The following ACYP2 variants were observed in gnomAD, a reference collection of about 807,000 sequenced individuals.
ACYP2 encodes acylphosphatase-2.
Under a neutral mutation model 11.2 loss-of-function variants are expected in ACYP2, and 12 were observed. That is an observed-to-expected ratio of 1.08 (90% CI 0.69 to 1.74). The LOEUF (loss-of-function observed/expected upper bound fraction) is 1.74, where lower values mean the gene tolerates loss of function less well. ACYP2 is among the 40% of genes most tolerant of loss of function. The pLI is 0.00. For synonymous variants in ACYP2, 43 were observed against 32.2 expected, an observed-to-expected ratio of 1.33 and a Z score of -1.13; for missense variants, 134 against 101.9, an observed-to-expected ratio of 1.31 and a Z score of -1.35.
chr2:54,148,092 GA>G (rs2103803661), intron 6 of ACYP2, among the ~76,000 whole-genome samples: 1 of 152,230 alleles, frequency 6.6e-6, no homozygotes, highest in African/African-American at 2.4e-5. Flanking sequence ...AGCTGCACAT[GA>G]TATCCACAGT....
intron 6 of ACYP2, among the ~76,000 whole-genome samples, chr2:54,286,138 C>A (rs6723759): frequency 1.3e-5 from 2 of 150,254 alleles, no homozygotes; most frequent in Non-Finnish European, 2.9e-5. Flanking sequence ...CAGGGCCAGG[C>A]GCAGTGGCCT....
chr2:54,262,736 CTT>C (rs1348406419), intron 6 of ACYP2, among the ~76,000 whole-genome samples: 5 of 151,464 alleles, frequency 3.3e-5, no homozygotes, highest in Non-Finnish European at 5.9e-5. Flanking sequence ...TTAGAAATAA[CTT>C]TTTATGGATG....
In ACYP2 at chr2:54,304,725, C is replaced by T. The variant is rs748039394; in HGVS notation, c.442C>T (p.Arg148Cys). 58 of 1,611,898 alleles carry T rather than the reference C, an allele frequency of 3.6e-5. No homozygotes were observed. The highest frequency in any genetic ancestry group is 2.2e-4 in the Admixed American group (13 of 59,940). ...GAGCAAGGTTGGAAGCCCTAGTTCT[C>T]GCATTGACCGCACAAACTTTTCTAA... Residue 148 changes from arginine (R) to cysteine (C), a missense_variant, in exon 7 of 7, where the codon CGC becomes TGC. Transcript: ENST00000607452.
At chr2:54,013,629 A>T (rs1388890584) in intron 2 of ACYP2, among the ~76,000 whole-genome samples, 3 of 151,584 alleles carry the variant, frequency 2.0e-5, no homozygotes, top group Non-Finnish European at 2.9e-5. Context: ...CCGATGTATT[A>T]TTTATTGCCT....
chr2:54,098,518 AC>A (rs1287997186), intron 4 of ACYP2, among the ~76,000 whole-genome samples: 1 of 152,020 alleles, frequency 6.6e-6, no homozygotes, highest in Non-Finnish European at 1.5e-5. Context: ...GTGTCCTTTA[AC>A]TTGTTCTCCC....
intron 4 of ACYP2, among the ~76,000 whole-genome samples, chr2:54,086,717 C>G (rs927637310): frequency 6.6e-6 from 1 of 152,210 alleles, no homozygotes; most frequent in Non-Finnish European, 1.5e-5. Flanking sequence ...GTTTGCTAGG[C>G]ATTTGAAACA....
At chr2:54,107,735 G>T (rs1390796997) in intron 4 of ACYP2, among the ~76,000 whole-genome samples, 1 of 152,178 alleles carries the variant, frequency 6.6e-6, no homozygotes, top group Non-Finnish European at 1.5e-5. Flanking sequence ...GGAATCCATT[G>T]CTGACATAAT....
chr2:54,248,495 C>T (rs968123337), intron 6 of ACYP2, among the ~76,000 whole-genome samples: 2 of 152,082 alleles, frequency 1.3e-5, no homozygotes, highest in Non-Finnish European at 2.9e-5. Context: ...TCTGAAGAAA[C>T]TTATGGTCTA....
At chr2:54,100,202 T>C (rs1041505679) in intron 4 of ACYP2, among the ~76,000 whole-genome samples, 1 of 151,674 alleles carries the variant, frequency 6.6e-6, no homozygotes, top group Non-Finnish European at 1.5e-5. Flanking sequence ...GTTCACTGTA[T>C]AGCCAAAAAC....
intron 2 of ACYP2, among the ~76,000 whole-genome samples, chr2:53,997,583 G>A (rs1672634315): frequency 1.3e-5 from 2 of 152,084 alleles, no homozygotes; most frequent in South Asian, 4.1e-4. Flanking sequence ...TGAGACTATA[G>A]GTATGAGCCA....
At chr2:54,233,042 A>C (rs565222897) in intron 6 of ACYP2, among the ~76,000 whole-genome samples, 1 of 152,036 alleles carries the variant, frequency 6.6e-6, no homozygotes, top group East Asian at 1.9e-4. Context: ...TTCACAATTA[A>C]GTTTTTTTTT....
intron 2 of ACYP2, among the ~76,000 whole-genome samples, chr2:53,999,387 G>A (rs1364963676): frequency 6.6e-6 from 1 of 152,194 alleles, no homozygotes; most frequent in Non-Finnish European, 1.5e-5. Context: ...GCCCAGGAAG[G>A]AAGGAGTCCC....
chr2:54,287,224 C>T (rs968076312), intron 6 of ACYP2, among the ~76,000 whole-genome samples: 6 of 151,878 alleles, frequency 4.0e-5, no homozygotes, highest in East Asian at 1.9e-4. Flanking sequence ...CCATTTCCTC[C>T]AGAGGGGGCT....
chr2:54,214,135 T>C (rs553667531), intron 6 of ACYP2, among the ~76,000 whole-genome samples: 1 of 152,290 alleles, frequency 6.6e-6, no homozygotes, highest in South Asian at 2.1e-4. Flanking sequence ...AGATTCTGGA[T>C]ATTCGAGCTT....
chr2:54,099,668 T>A (rs1382638633), intron 4 of ACYP2, among the ~76,000 whole-genome samples: 1 of 152,216 alleles, frequency 6.6e-6, no homozygotes, highest in Non-Finnish European at 1.5e-5. Context: ...TTTTTATCCA[T>A]TCATCCACTG....
chr2:54,163,185 G>A (rs1169315047), intron 6 of ACYP2, among the ~76,000 whole-genome samples: 3 of 152,122 alleles, frequency 2.0e-5, no homozygotes, highest in Non-Finnish European at 4.4e-5. Context: ...GAGTGGTGAG[G>A]CCAAATAGCA....
chr2:54,264,489 G>C (rs1287588585), intron 6 of ACYP2, among the ~76,000 whole-genome samples: 1 of 152,158 alleles, frequency 6.6e-6, no homozygotes, highest in Non-Finnish European at 1.5e-5. Flanking sequence ...ATCCTGCTCA[G>C]GGAGCTTAGA....
At chr2:54,269,163 G>C (rs1047370721) in intron 6 of ACYP2, among the ~76,000 whole-genome samples, 8 of 152,150 alleles carry the variant, frequency 5.3e-5, no homozygotes, top group African/African-American at 1.7e-4. Flanking sequence ...GCCCAGGCTA[G>C]TCTTGAATTC....
chr2:54,180,997 A>T (rs779939216), intron 6 of ACYP2, among the ~76,000 whole-genome samples: 7 of 152,232 alleles, frequency 4.6e-5, no homozygotes, highest in African/African-American at 7.2e-5. Flanking sequence ...TTAGAGGGAC[A>T]TAAACATTCA....
Sources: allele counts gnomAD v4.1 joint callset (sites outside exome capture counted in the v4.1 genomes callset), GRCh38; gene constraint gnomAD v4.1.1; transcripts MANE v1.5; gene names NCBI Gene and HGNC (gene_info 2026-07-23, HGNC 2026-07-21).